The following RARB variants were observed in gnomAD, a reference collection of about 807,000 sequenced individuals.
The protein encoded by RARB is retinoic acid receptor beta.
RARB carries 17 observed loss-of-function variants against 51.9 expected under a neutral mutation model. That is an observed-to-expected ratio of 0.33 (90% CI 0.22 to 0.49). The LOEUF is 0.49. Among genes scored for constraint, RARB ranks in the 20% least tolerant of loss-of-function variants. The probability of loss-of-function intolerance (pLI) is 0.99; values close to 1 mark genes in which losing one functional copy is unlikely to be tolerated. For missense variants in RARB, 369 were observed against 550.8 expected (o/e 0.67, Z 3.30); for synonymous variants, 215 against 195.4 (o/e 1.10, Z -0.84).
intron 3 of RARB, among the ~76,000 whole-genome samples, chr3:25,125,108 G>A (rs1699840721): frequency 6.6e-6 from 1 of 152,052 alleles, no homozygotes; most frequent in African/African-American, 2.4e-5. Flanking sequence ...TAAAGTGGGA[G>A]GCCTCAAAAA....
intron 2 of RARB, among the ~76,000 whole-genome samples, chr3:25,498,275 C>T (rs1247122020): frequency 2.6e-5 from 4 of 152,052 alleles, no homozygotes; most frequent in African/African-American, 4.8e-5. Flanking sequence ...ACCCCCTACC[C>T]GCCACACACT....
intron 5 of RARB, among the ~76,000 whole-genome samples, chr3:25,282,828 G>A (rs191261361): frequency 1.6e-4 from 25 of 152,246 alleles, no homozygotes; most frequent in Admixed American, 7.2e-4. Context: ...AAGCTTTCTC[G>A]TAAGCCTTGG....
intron 3 of RARB, among the ~76,000 whole-genome samples, chr3:25,104,239 GCTGTGGTGCAACCAGAGCA>G (rs1303738549): frequency 6.6e-6 from 1 of 152,136 alleles, no homozygotes; most frequent in African/African-American, 2.4e-5. Flanking sequence ...TTTTCACAAG[GCTGTGGTGCAACCAGAGCA>G]CCCATACATT....
chr3:24,919,437 A>C (rs567473569), intron 2 of RARB, among the ~76,000 whole-genome samples: 4 of 152,218 alleles, frequency 2.6e-5, no homozygotes, highest in Non-Finnish European at 4.4e-5. Context: ...CTAATCAAAG[A>C]TGGCCAACTG....
At chr3:25,334,083 C>T (rs1465881506) in intron 5 of RARB, among the ~76,000 whole-genome samples, 3 of 152,138 alleles carry the variant, frequency 2.0e-5, no homozygotes, top group Non-Finnish European at 4.4e-5. Context: ...GTTGGTGGGA[C>T]TGTAAACTAG....
At chr3:25,511,310 T>A (rs1451436032) in intron 3 of RARB, among the ~76,000 whole-genome samples, 2 of 152,020 alleles carry the variant, frequency 1.3e-5, no homozygotes, top group Non-Finnish European at 2.9e-5. Flanking sequence ...TTTTTTGTAT[T>A]TTTAGTAGGG....
At chr3:25,354,534 A>G (rs1263346122) in intron 5 of RARB, among the ~76,000 whole-genome samples, 3 of 152,130 alleles carry the variant, frequency 2.0e-5, no homozygotes, top group Non-Finnish European at 4.4e-5. Context: ...AAGCCATGGA[A>G]TACCTTCCCA....
At chr3:25,251,515 C>T (rs1328464016) in intron 5 of RARB, among the ~76,000 whole-genome samples, 1 of 152,092 alleles carries the variant, frequency 6.6e-6, no homozygotes, top group African/African-American at 2.4e-5. Flanking sequence ...TTCTCCATAT[C>T]CTCTCCAAAA....
At chr3:25,503,640 A>G (rs946834615) in intron 3 of RARB, among the ~76,000 whole-genome samples, 1 of 152,246 alleles carries the variant, frequency 6.6e-6, no homozygotes, top group Non-Finnish European at 1.5e-5. Context: ...GTCCAAGTAC[A>G]CAAAAATAAA....
intron 2 of RARB, among the ~76,000 whole-genome samples, chr3:24,998,150 T>TC (rs1697081927): frequency 6.6e-6 from 1 of 152,164 alleles, no homozygotes; most frequent in African/African-American, 2.4e-5. Context: ...AATATTCATT[T>TC]TAGCCTTTCA....
intron 5 of RARB, among the ~76,000 whole-genome samples, chr3:25,375,407 C>A (rs1379768144): frequency 6.6e-6 from 1 of 152,192 alleles, no homozygotes; most frequent in African/African-American, 2.4e-5. Flanking sequence ...ATTGGTGCTA[C>A]TGTTGTGTTA....
At chr3:25,084,053 G>T (rs578125476) in intron 3 of RARB, among the ~76,000 whole-genome samples, 12 of 152,212 alleles carry the variant, frequency 7.9e-5, no homozygotes, top group South Asian at 2.1e-4. Flanking sequence ...CTCATCCTCT[G>T]GATATGTATC....
chr3:25,113,596 G>A (rs924487633), intron 3 of RARB, among the ~76,000 whole-genome samples: 1 of 152,018 alleles, frequency 6.6e-6, no homozygotes, highest in African/African-American at 2.4e-5. Context: ...CCAATGCATT[G>A]GCTTCATCAA....
rs149723674 is a variant in RARB, at chr3:25,266,717, G to A, written c.178+92142G>A. Among the ~76,000 whole-genome samples, 410 of 152,248 alleles carry A rather than the reference G, an allele frequency of 2.7e-3. 2 individuals are homozygous for A. The highest frequency in any genetic ancestry group is 9.6e-3 in the African/African-American group (398 of 41,552). On this transcript the variant is annotated intron_variant, in intron 5 of 11. Transcript: ENST00000383772. Reference sequence around the variant, plus strand: ...GATTAAGGTTGAGTGAGGTCATAAGGCTGGAGACTTATCTGATAGAACTGG... The same window carrying A: ...GATTAAGGTTGAGTGAGGTCATAAGACTGGAGACTTATCTGATAGAACTGG...
intron 2 of RARB, among the ~76,000 whole-genome samples, chr3:24,967,517 C>G (rs1406261471): frequency 2.6e-5 from 4 of 152,116 alleles, no homozygotes; most frequent in Non-Finnish European, 5.9e-5. Context: ...TAGTGTTTCT[C>G]CGACATGCAT....
chr3:25,095,451 G>A (rs1305045215), intron 3 of RARB, among the ~76,000 whole-genome samples: 1 of 152,170 alleles, frequency 6.6e-6, no homozygotes, highest in African/African-American at 2.4e-5. Context: ...CCAGCAATCT[G>A]TGTTTTTAAC....
chr3:25,113,014 G>A (rs1227583257), intron 3 of RARB, among the ~76,000 whole-genome samples: 2 of 152,142 alleles, frequency 1.3e-5, no homozygotes, highest in Non-Finnish European at 2.9e-5. Flanking sequence ...GCATCATTGA[G>A]AGCCAGTTTG....
At chr3:24,977,423 C>T (rs914436824) in intron 2 of RARB, among the ~76,000 whole-genome samples, 4 of 152,026 alleles carry the variant, frequency 2.6e-5, no homozygotes, top group African/African-American at 9.7e-5. Context: ...TGTTTGTGTC[C>T]TCTTTTATTT....
At chr3:24,900,985 C>T (rs575433829) in intron 2 of RARB, among the ~76,000 whole-genome samples, 13 of 152,240 alleles carry the variant, frequency 8.5e-5, no homozygotes, top group East Asian at 5.8e-4. Context: ...TTTCCCATAA[C>T]GCAACCAGGA....
Sources: allele counts gnomAD v4.1 joint callset (sites outside exome capture counted in the v4.1 genomes callset), GRCh38; gene constraint gnomAD v4.1.1; transcripts MANE v1.5; gene names NCBI Gene and HGNC (gene_info 2026-07-23, HGNC 2026-07-21).